The following BAIAP2 variants were observed in gnomAD, a reference collection of about 807,000 sequenced individuals.
The protein encoded by BAIAP2 is BAR/IMD domain containing adaptor protein 2, also known as BAR/IMD domain-containing adapter protein 2.
A neutral mutation model predicts 63.0 loss-of-function variants in BAIAP2; 18 were observed. The ratio of observed to expected loss-of-function variants is 0.29; its 90% confidence interval spans 0.20 to 0.42. The LOEUF (loss-of-function observed/expected upper bound fraction) is 0.42. Ranked by LOEUF, BAIAP2 falls within the 10% of genes least tolerant of loss-of-function variation. BAIAP2 has a pLI of 1.00. For synonymous variants in BAIAP2, 386 were observed against 307.6 expected (o/e 1.25, Z -2.67); for missense variants, 610 against 734.3 (o/e 0.83, Z 1.96).
At chr17:81,077,528 A>G (rs2053853221) in intron 3 of BAIAP2, among the ~76,000 whole-genome samples, 4 of 151,678 alleles carry the variant, frequency 2.6e-5, no homozygotes, top group East Asian at 3.9e-4. Flanking sequence ...AGATAGTGCC[A>G]CTGTACTTCA....
intron 10 of BAIAP2, chr17:81,105,012 A>AACGGCAGGGATCTCCCCCC: frequency 3.8e-6 from 1 of 260,716 alleles, no homozygotes; most frequent in Non-Finnish European, 7.5e-6. Context: ...GATCTCCCCC[A>AACGGCAGGGATCTCCCCCC]ATGGCAGGTA....
chr17:81,059,692 C>T (rs915861545), intron 3 of BAIAP2, among the ~76,000 whole-genome samples: 1 of 152,244 alleles, frequency 6.6e-6, no homozygotes, highest in African/African-American at 2.4e-5. Context: ...CTCAAGTGAT[C>T]TTCCCACCTT....
chr17:81,084,836 C>T lies in BAIAP2; in HGVS notation c.222C>T (p.Asp74=), dbSNP rs372033045. 25 of 1,613,638 alleles carry T rather than the reference C, an allele frequency of 1.5e-5. No homozygotes were observed. The highest frequency in any genetic ancestry group is 5.3e-5 in the African/African-American group (4 of 74,938). ...TTCTGCTGTTCTGCTTCCCAGGAGA[C>T]GTTCTCTTCCAGATGGCTGAAGTCC... ...SESQGSKELG[D]VLFQMAEVHR... Residue 74 remains aspartate, a synonymous_variant, in exon 4 of 14, where the codon GAC becomes GAT. Coordinates refer to ENST00000428708, the MANE Select transcript of BAIAP2 (RefSeq NM_001144888.2).
At chr17:81,114,221 G>C (rs1241689329) in intron 13 of BAIAP2, among the ~76,000 whole-genome samples, 3 of 147,536 alleles carry the variant, frequency 2.0e-5, no homozygotes, top group Admixed American at 1.4e-4. Context: ...GGTTCCTCCT[G>C]CTTTGGCCTC....
intron 2 of BAIAP2, among the ~76,000 whole-genome samples, chr17:81,055,574 G>GTTTTTTGTTTTTTTTTGTTTGT (rs370775327): frequency 8.1e-6 from 1 of 123,406 alleles, no homozygotes; most frequent in African/African-American, 2.9e-5. Flanking sequence ...AGGGTGTTTT[G>GTTTTTTGTTTTTTTTTGTTTGT]TTTTTTTTTG....
chr17:81,099,972 C>T lies in BAIAP2; in HGVS notation c.534C>T (p.Tyr178=), dbSNP rs563318276. The T allele has an allele frequency of 1.6e-5, 26 of 1,613,468 alleles. No homozygotes were observed. The South Asian group carries it at 2.1e-4, about 13-fold the overall frequency. Reference sequence around the variant, plus strand: ...ACAAGCAGGGCGAGCTGGAGAATTACGTGTCCGACGGCTACAAGACCGCAC... The same window carrying T: ...ACAAGCAGGGCGAGCTGGAGAATTATGTGTCCGACGGCTACAAGACCGCAC... ...ISNKQGELEN[Y]VSDGYKTALT... is the part of the protein sequence containing the mutation. The change falls in exon 7 of 14, where the codon TAC becomes TAT. Residue 178 remains tyrosine, a synonymous_variant. Coordinates refer to ENST00000428708, the MANE Select transcript of BAIAP2 (RefSeq NM_001144888.2).
intron 1 of BAIAP2, chr17:81,036,113 C>T (rs903655664): frequency 6.6e-6 from 1 of 152,310 alleles, no homozygotes. Flanking sequence ...CGCCCCCTCC[C>T]CAGTCGTTTT....
intron 6 of BAIAP2, chr17:81,098,137 A>G (rs949039871): frequency 5.5e-6 from 8 of 1,455,334 alleles, no homozygotes; most frequent in Non-Finnish European, 6.4e-6. Flanking sequence ...CCAGAGGGAC[A>G]GAGGCAGAGA....
At chr17:81,041,191 C>T (rs1250065806) in intron 1 of BAIAP2, among the ~76,000 whole-genome samples, 2 of 152,348 alleles carry the variant, frequency 1.3e-5, no homozygotes, top group Admixed American at 6.5e-5. Context: ...CCAGGCCTGC[C>T]GGGAGGAGTC....
rs900913360 is a variant in BAIAP2, at chr17:81,053,671, A to G, written c.58A>G (p.Ile20Val). ...HRLTENVYKT[I>V]MEQFNPSLRN... ...TTTCTTCTCTGCTTTCTTCCAGACC[A>G]TCATGGAGCAGTTCAACCCTAGCCT... The change falls in exon 2 of 14, where the codon ATC becomes GTC. Residue 20 changes from isoleucine to valine, a missense_variant. By Grantham distance (29) the Ile-to-Val change is conservative. This residue lies in a region of BAIAP2 where 389 missense variants were observed against 455.6 expected (regional missense o/e 0.85). Coordinates refer to ENST00000428708, the MANE Select transcript of BAIAP2 (RefSeq NM_001144888.2). 5 of 1,613,994 alleles carry G rather than the reference A, an allele frequency of 3.1e-6. No homozygotes were observed. The highest frequency in any genetic ancestry group is 4.2e-6 in the Non-Finnish European group (5 of 1,179,984).
intron 6 of BAIAP2, among the ~76,000 whole-genome samples, chr17:81,092,046 C>T (rs1358332200): frequency 6.6e-6 from 1 of 152,232 alleles, no homozygotes; most frequent in Non-Finnish European, 1.5e-5. Context: ...TGGTGCCTGA[C>T]TCTGGTCTTT....
chr17:81,113,510 AGCT>A (rs2146188883), intron 13 of BAIAP2, among the ~76,000 whole-genome samples: 1 of 152,340 alleles, frequency 6.6e-6, no homozygotes, highest in African/African-American at 2.4e-5. Context: ...TTTCCCAGAC[AGCT>A]GGGGGGTGGG....
At chr17:81,070,030 T>C (rs9903763) in intron 3 of BAIAP2, among the ~76,000 whole-genome samples, 67,411 of 152,024 alleles carry the variant, frequency 0.44, 15,511 homozygotes, top group Non-Finnish European at 0.49. Flanking sequence ...GGCGCAGTCA[T>C]ACATAGCTCA....
At chr17:81,101,021 T>C (rs2058410492) in intron 7 of BAIAP2, among the ~76,000 whole-genome samples, 1 of 152,140 alleles carries the variant, frequency 6.6e-6, no homozygotes, top group East Asian at 1.9e-4. Flanking sequence ...GGTAGACTCT[T>C]GGCCCTGTGT....
At chr17:81,057,813 G>T in intron 2 of BAIAP2, 68 bp from the exon 3 acceptor site, 1 of 1,557,168 alleles carries the variant, frequency 6.4e-7, no homozygotes, top group South Asian at 1.2e-5. Flanking sequence ...CAAGACTGCC[G>T]TGTTTTTGCT....
chr17:81,095,695 C>T (rs2057499367), intron 6 of BAIAP2, among the ~76,000 whole-genome samples: 1 of 152,122 alleles, frequency 6.6e-6, no homozygotes, highest in African/African-American at 2.4e-5. Flanking sequence ...CATCTCTCCT[C>T]CCTGTCCCCA....
intron 3 of BAIAP2, among the ~76,000 whole-genome samples, chr17:81,081,925 C>G (rs1261767811): frequency 1.3e-5 from 2 of 152,178 alleles, no homozygotes; most frequent in East Asian, 3.9e-4. Flanking sequence ...GAAGTGATTT[C>G]CAGGCAGGGG....
At chr17:81,102,868 A>G (rs2058681055) in intron 7 of BAIAP2, among the ~76,000 whole-genome samples, 1 of 152,210 alleles carries the variant, frequency 6.6e-6, no homozygotes, top group Non-Finnish European at 1.5e-5. Flanking sequence ...CAGGAGGGGC[A>G]GGGGTTACTT....
intron 3 of BAIAP2, among the ~76,000 whole-genome samples, chr17:81,075,719 C>T (rs2053553039): frequency 6.6e-6 from 1 of 152,214 alleles, no homozygotes; most frequent in Admixed American, 6.5e-5. Context: ...CTGTGCCCTT[C>T]TCCCCCAGGT....
Sources: gnomAD v4.1 joint callset for allele counts (sites outside exome capture counted in the v4.1 genomes callset) on GRCh38, gnomAD v4.1.1 for gene constraint, gnomAD v4.1.1 regional missense constraint, MANE v1.5 for transcripts, NCBI Gene and HGNC (gene_info 2026-07-23, HGNC 2026-07-21) for gene names.